Variants in PARPBP observed in about 807,000 individuals in gnomAD.
PARPBP encodes PARP1 binding protein, also known as PCNA-interacting partner.
A neutral mutation model predicts 50.0 loss-of-function variants in PARPBP; 52 were observed. The observed-to-expected ratio is 1.04, with a 90% confidence interval of 0.83 to 1.31. The LOEUF is 1.31. Ranked by LOEUF, PARPBP falls within the 50% of genes most tolerant of loss-of-function variation. PARPBP has a pLI of 0.00. For missense variants in PARPBP, 697 were observed against 672.0 expected (o/e 1.04, Z -0.41); for synonymous variants, 244 against 232.1 (o/e 1.05, Z -0.47).
intron 2 of PARPBP, among the ~76,000 whole-genome samples, chr12:102,143,238 T>C (rs1330751062): frequency 2.6e-5 from 4 of 152,156 alleles, no homozygotes; most frequent in East Asian, 1.9e-4. Flanking sequence ...CTCAGACTAA[T>C]GTGCTAGCAG....
chr12:102,175,688 A>G (rs754366767), intron 7 of PARPBP, 22 bp downstream of exon 7: 1 of 1,496,250 alleles, frequency 6.7e-7, no homozygotes, highest in Non-Finnish European at 9.1e-7. Flanking sequence ...TTTATTTTTC[A>G]TTATCCTTTT....
chr12:102,153,313 A>G (rs945401669), intron 3 of PARPBP, among the ~76,000 whole-genome samples: 5 of 152,086 alleles, frequency 3.3e-5, no homozygotes, highest in African/African-American at 1.2e-4. Flanking sequence ...TTTGAATACT[A>G]CCTGTCTCCC....
intron 9 of PARPBP, among the ~76,000 whole-genome samples, chr12:102,184,065 AAG>A (rs1890086667): frequency 6.6e-6 from 1 of 150,960 alleles, no homozygotes; most frequent in Non-Finnish European, 1.5e-5. Flanking sequence ...AAAAAAAAAA[AAG>A]AAAGAATGTA....
In PARPBP at chr12:102,145,569, T is replaced by C. The variant is rs182673448; in HGVS notation, c.154-2661T>C. ...ACTGAGAGAATTTATTATGCAGATG[T>C]TGAAGAAGACTTTAAAGAAAGCATT... On this transcript the variant is annotated intron_variant, in intron 2 of 10. Coordinates refer to ENST00000327680, the MANE Select transcript of PARPBP (RefSeq NM_017915.5). Among the ~76,000 whole-genome samples the C allele has an allele frequency of 1.5e-4, 23 of 152,332 alleles. No individual in the cohort carries two copies. The East Asian group carries it at 1.9e-3, about 13-fold the overall frequency.
intron 7 of PARPBP, 37 bp from the exon 8 acceptor site, chr12:102,178,555 G>T: frequency 7.0e-7 from 1 of 1,427,542 alleles, no homozygotes; most frequent in South Asian, 1.4e-5. Context: ...CAGCTGGGGT[G>T]ATTATTACAT....
intron 6 of PARPBP, among the ~76,000 whole-genome samples, chr12:102,170,825 A>T (rs1307129538): frequency 6.6e-6 from 1 of 152,030 alleles, no homozygotes; most frequent in East Asian, 1.9e-4. Flanking sequence ...ACTTAGCTTA[A>T]AACACAAATA....
At position 102,145,688 on chromosome 12, in the gene PARPBP, T is replaced by A. The variant is rs544299964; in HGVS notation, c.154-2542T>A. On this transcript the variant is annotated intron_variant, in intron 2 of 10. Coordinates refer to ENST00000327680, the MANE Select transcript of PARPBP (RefSeq NM_017915.5). ...CACTGTAGCCAGGTTATAATCTGTT[T>A]TATTTCTCGTGGGATAGATAGAAAT... Among the ~76,000 whole-genome samples the A allele has an allele frequency of 2.2e-4, 33 of 152,324 alleles. 1 individual carries two copies. The highest frequency in any genetic ancestry group is 1.4e-3 in the Admixed American group (21 of 15,302).
chr12:102,162,800 A>T (rs914253905), intron 4 of PARPBP, among the ~76,000 whole-genome samples: 1 of 152,098 alleles, frequency 6.6e-6, no homozygotes. Flanking sequence ...CCAGCCTAAC[A>T]GCAAGACCCT....
Position 102,142,353 on chromosome 12 carries a change from T to C in PARPBP, c.154-5877T>C, listed in dbSNP as rs568355728. Among the ~76,000 whole-genome samples the C allele has an allele frequency of 2.1e-4, 32 of 152,338 alleles. 1 individual carries two copies. The highest frequency in any genetic ancestry group is 1.4e-3 in the Admixed American group (21 of 15,304). Reference sequence around the variant, plus strand: ...AGCTCCATCAGGTCATTTAAGGTATTCTCTACCCTGTTTATTCTAGTTAGC... The same window carrying C: ...AGCTCCATCAGGTCATTTAAGGTATCCTCTACCCTGTTTATTCTAGTTAGC... On this transcript the variant is annotated intron_variant, in intron 2 of 10. Coordinates refer to ENST00000327680, the MANE Select transcript of PARPBP (RefSeq NM_017915.5).
intron 8 of PARPBP, among the ~76,000 whole-genome samples, 196 bp from the exon 9 acceptor site, chr12:102,182,353 G>A (rs759826089): frequency 6.6e-6 from 1 of 152,024 alleles, no homozygotes; most frequent in Non-Finnish European, 1.5e-5. Flanking sequence ...TATGATGTTC[G>A]GTGGATTGGG....
At chr12:102,177,662 A>AT (rs1458233162) in intron 7 of PARPBP, among the ~76,000 whole-genome samples, 3 of 152,178 alleles carry the variant, frequency 2.0e-5, no homozygotes, top group Non-Finnish European at 4.4e-5. Flanking sequence ...ATTTGATAAC[A>AT]TTCGTATCTC....
chr12:102,179,069 A>G (rs1250890522), intron 8 of PARPBP, among the ~76,000 whole-genome samples: 2 of 152,146 alleles, frequency 1.3e-5, no homozygotes, highest in East Asian at 3.9e-4. Flanking sequence ...TAAATGTTTC[A>G]GTTAAATTAT....
At chr12:102,177,806 A>T (rs1889425875) in intron 7 of PARPBP, among the ~76,000 whole-genome samples, 1 of 152,178 alleles carries the variant, frequency 6.6e-6, no homozygotes, top group South Asian at 2.1e-4. Flanking sequence ...TGATATACAA[A>T]GTTTCCCAGG....
chr12:102,121,458 G>T (rs1881062261), intron 1 of PARPBP, among the ~76,000 whole-genome samples: 1 of 151,432 alleles, frequency 6.6e-6, no homozygotes, highest in Non-Finnish European at 1.5e-5. Flanking sequence ...AGTTGTGCAT[G>T]CCTCAAATAT....
At chr12:102,152,212 C>T (rs536517350) in intron 3 of PARPBP, among the ~76,000 whole-genome samples, 30 of 152,200 alleles carry the variant, frequency 2.0e-4, no homozygotes, top group African/African-American at 5.8e-4. Context: ...AGCCCCTGTT[C>T]GAAATCTCAG....
At chr12:102,137,024 C>T (rs7314597) in intron 2 of PARPBP, among the ~76,000 whole-genome samples, 28,650 of 151,808 alleles carry the variant, frequency 0.19, 2,746 homozygotes, top group Non-Finnish European at 0.21. Flanking sequence ...GCACAATCTC[C>T]GCTCACTGTA....
At chr12:102,172,679 T>G (rs753668678) in intron 6 of PARPBP, among the ~76,000 whole-genome samples, 1 of 152,216 alleles carries the variant, frequency 6.6e-6, no homozygotes, top group Non-Finnish European at 1.5e-5. Context: ...TACATCATCT[T>G]TAAAATTTAA....
At chr12:102,135,423 T>A (rs1284906391) in intron 2 of PARPBP, among the ~76,000 whole-genome samples, 1 of 150,850 alleles carries the variant, frequency 6.6e-6, no homozygotes, top group Non-Finnish European at 1.5e-5. Flanking sequence ...CAGGCGCCTG[T>A]AGTTCCAGCT....
chr12:102,178,645 G>A lies in PARPBP; in HGVS notation c.1059G>A (p.Val353=). 1 of 1,613,598 alleles carries A rather than the reference G, an allele frequency of 6.2e-7. No homozygotes were observed. Among genetic ancestry groups the A allele is most frequent in the Non-Finnish European group, 8.5e-7 (1 of 1,179,714 alleles). The change falls in exon 8 of 11, where the codon GTG becomes GTA. Residue 353 remains valine (V), a synonymous_variant. Transcript: ENST00000327680. ...HGTAYCGRDT[V]KALLVLLDEE... is the part of the protein sequence containing the mutation. ...CTGCATACTGTGGCAGAGATACTGTGAAAGCCTTATTAGTTCTTTTGGACG... is the reference window on the plus strand; with the variant it reads ...CTGCATACTGTGGCAGAGATACTGTAAAAGCCTTATTAGTTCTTTTGGACG...
Sources: allele counts gnomAD v4.1 joint callset (sites outside exome capture counted in the v4.1 genomes callset), GRCh38; gene constraint gnomAD v4.1.1; transcripts MANE v1.5; gene names NCBI Gene and HGNC (gene_info 2026-07-23, HGNC 2026-07-21).